TNFSF4: variants seen among roughly 807,000 people sequenced by gnomAD.
TNFSF4 encodes TNF superfamily member 4, also known as tumor necrosis factor ligand superfamily member 4.
TNFSF4 carries 4 observed loss-of-function variants against 7.3 expected under a neutral mutation model. That is an observed-to-expected ratio of 0.55 (90% CI 0.27 to 1.25). The LOEUF is 1.25. Ranked by LOEUF, TNFSF4 falls within the 50% of genes most tolerant of loss-of-function variation. TNFSF4 has a pLI of 0.12. For missense variants in TNFSF4, 181 were observed against 208.8 expected (o/e 0.87, Z 0.82); for synonymous variants, 76 against 83.7 (o/e 0.91, Z 0.50).
chr1:173,369,308 T>C, the TNFSF4 span, among the ~76,000 whole-genome samples: 1 of 152,146 alleles, frequency 6.6e-6, no homozygotes, highest in Non-Finnish European at 1.5e-5. Flanking sequence ...TCTAACAGGT[T>C]TTTGAGAATG....
At chr1:173,244,145 T>C in the TNFSF4 span, among the ~76,000 whole-genome samples, 1 of 152,186 alleles carries the variant, frequency 6.6e-6, no homozygotes, top group African/African-American at 2.4e-5. Flanking sequence ...AGAATAAAAT[T>C]AAGTCTATCG....
At chr1:173,308,536 A>C in the TNFSF4 span, among the ~76,000 whole-genome samples, 1 of 151,808 alleles carries the variant, frequency 6.6e-6, no homozygotes, top group African/African-American at 2.4e-5. Context: ...TTTGTTTCTG[A>C]ATGTGTTATA....
At chr1:173,341,389 A>G in the TNFSF4 span, among the ~76,000 whole-genome samples, 2 of 152,198 alleles carry the variant, frequency 1.3e-5, no homozygotes, top group African/African-American at 4.8e-5. Context: ...AAGAGACAGC[A>G]GGTCTTTGTA....
At chr1:173,272,938 G>A in the TNFSF4 span, among the ~76,000 whole-genome samples, 1 of 152,074 alleles carries the variant, frequency 6.6e-6, no homozygotes, top group Non-Finnish European at 1.5e-5. Context: ...GCTGATTTGG[G>A]AACAATTATT....
the TNFSF4 span, among the ~76,000 whole-genome samples, chr1:173,219,146 C>T: frequency 6.6e-6 from 1 of 152,154 alleles, no homozygotes; most frequent in Non-Finnish European, 1.5e-5. Flanking sequence ...GCTGATACAG[C>T]ATCTCCTTGC....
At chr1:173,419,343 G>GA in the TNFSF4 span, among the ~76,000 whole-genome samples, 4,141 of 115,774 alleles carry the variant, frequency 0.036, 203 homozygotes, top group African/African-American at 0.11. Flanking sequence ...CTCCGTCTCA[G>GA]AAAAAAAAAA....
At chr1:173,268,685 G>C in the TNFSF4 span, among the ~76,000 whole-genome samples, 3 of 152,164 alleles carry the variant, frequency 2.0e-5, no homozygotes, top group Admixed American at 2.0e-4. Context: ...CAAACTGAAA[G>C]AGATTGGCAA....
chr1:173,376,500 G>A, the TNFSF4 span, among the ~76,000 whole-genome samples: 1 of 152,194 alleles, frequency 6.6e-6, no homozygotes, highest in Non-Finnish European at 1.5e-5. Context: ...GGGCTTCTGG[G>A]TTGGGTGGGG....
the TNFSF4 span, among the ~76,000 whole-genome samples, chr1:173,360,095 T>C: frequency 3.9e-5 from 6 of 152,246 alleles, no homozygotes; most frequent in Non-Finnish European, 7.3e-5. Context: ...ATCCTTGGCT[T>C]CTCCCCATTC....
chr1:173,181,244 C>T (rs12240213), downstream of TNFSF4, among the ~76,000 whole-genome samples: 21,103 of 152,152 alleles, frequency 0.14, 2,917 homozygotes, highest in African/African-American at 0.36. Flanking sequence ...ATTTCTACAA[C>T]TTTGGGTCTT....
chr1:173,278,488 C>A, the TNFSF4 span, among the ~76,000 whole-genome samples: 1 of 152,004 alleles, frequency 6.6e-6, no homozygotes, highest in Non-Finnish European at 1.5e-5. Context: ...GTAACCCTAC[C>A]ACCATCATTT....
chr1:173,389,022 T>C, the TNFSF4 span, among the ~76,000 whole-genome samples: 3 of 152,272 alleles, frequency 2.0e-5, no homozygotes, highest in African/African-American at 7.2e-5. Context: ...CAGTTCCCTG[T>C]ATGTTATGTG....
chr1:173,327,926 C>A, the TNFSF4 span, among the ~76,000 whole-genome samples: 1 of 152,220 alleles, frequency 6.6e-6, no homozygotes, highest in East Asian at 1.9e-4. Flanking sequence ...CTAGTTCAAC[C>A]ATTGTGGAAG....
chr1:173,283,285 A>C, the TNFSF4 span, among the ~76,000 whole-genome samples: 1 of 152,032 alleles, frequency 6.6e-6, no homozygotes, highest in Non-Finnish European at 1.5e-5. Flanking sequence ...TTCTCACCCC[A>C]TCCTTTCCCC....
Position 173,186,566 on chromosome 1 carries a change from C to T in TNFSF4, c.502G>A (p.Gly168Arg). The T allele has an allele frequency of 1.9e-6, 3 of 1,614,044 alleles. No individual in the cohort carries two copies. The highest frequency in any genetic ancestry group is 2.5e-6 in the Non-Finnish European group (3 of 1,179,970). ...TTTTGATGGATAAGAATCAGTTCTC[C>T]GCCATTCACATGGAAGTCATCCAGG... ...TSLDDFHVNG[G>R]ELILIHQNPG... is the part of the protein sequence containing the mutation. Residue 168 changes from glycine to arginine, a missense_variant, in exon 3 of 3, where the codon GGA becomes AGA. Gly to Arg is a moderately radical substitution (Grantham distance 125, BLOSUM62 -2). Transcript: ENST00000281834.
chr1:173,188,503 A>T lies in TNFSF4; in HGVS notation c.202+18T>A, dbSNP rs1317373472. On this transcript the variant is annotated intron_variant, in intron 2 of 2. Coordinates refer to ENST00000281834, the MANE Select transcript of TNFSF4 (RefSeq NM_003326.5). ...TCTTTCAAAAATATGAATCAATTAA[A>T]CTTTTGACAATACTTACCGGTAAAT... The T allele has an allele frequency of 4.4e-6, 7 of 1,588,402 alleles. No homozygotes were observed. Among genetic ancestry groups the T allele is most frequent in the Non-Finnish European group, 5.2e-6 (6 of 1,158,000 alleles).
At chr1:173,400,028 C>T in the TNFSF4 span, among the ~76,000 whole-genome samples, 14 of 152,186 alleles carry the variant, frequency 9.2e-5, no homozygotes, top group Admixed American at 5.2e-4. Flanking sequence ...ACTCTGGATG[C>T]GGATTTGTGT....
At chr1:173,204,813 T>C (rs1363518336) in intron 1 of TNFSF4, among the ~76,000 whole-genome samples, 1 of 152,088 alleles carries the variant, frequency 6.6e-6, no homozygotes, top group Non-Finnish European at 1.5e-5. Flanking sequence ...AAATGGCTAC[T>C]AGTCTATGTC....
At chr1:173,308,267 T>TTCTC in the TNFSF4 span, among the ~76,000 whole-genome samples, 7,604 of 132,658 alleles carry the variant, frequency 0.057, 381 homozygotes, top group African/African-American at 0.13. Context: ...CTCTCTCTCT[T>TTCTC]TCTCTCTCTC....
Sources: gnomAD v4.1 joint callset for allele counts (sites outside exome capture counted in the v4.1 genomes callset) on GRCh38, gnomAD v4.1.1 for gene constraint, MANE v1.5 for transcripts, NCBI Gene and HGNC (gene_info 2026-07-23, HGNC 2026-07-21) for gene names.